Variants in SHANK2 observed in about 807,000 individuals in gnomAD.
SHANK2 encodes SH3 and multiple ankyrin repeat domains 2.
A neutral mutation model predicts 133.7 loss-of-function variants in SHANK2; 43 were observed. The observed-to-expected ratio is 0.32, with a 90% CI of 0.25 to 0.41. The LOEUF (loss-of-function observed/expected upper bound fraction) is 0.41, where lower values mean the gene tolerates loss of function less well. SHANK2 is among the 10% of genes least tolerant of loss of function. The probability of loss-of-function intolerance (pLI) is 1.00; values close to 1 mark genes in which losing one functional copy is unlikely to be tolerated. For missense variants in SHANK2, 1,994 were observed against 2,235.8 expected (o/e 0.89, Z 2.18); for synonymous variants, 1,017 against 952.8 (o/e 1.07, Z -1.24).
intron 17 of SHANK2, among the ~76,000 whole-genome samples, chr11:70,562,134 T>C (rs2059914467): frequency 6.6e-6 from 1 of 152,276 alleles, no homozygotes; most frequent in Non-Finnish European, 1.5e-5. Context: ...TGGTTTCTAA[T>C]ACGATTCCGT....
chr11:70,599,413 C>T (rs559347725), intron 17 of SHANK2, among the ~76,000 whole-genome samples: 13,552 of 126,432 alleles, frequency 0.11, 956 homozygotes, highest in East Asian at 0.24. Context: ...CGAGACCATC[C>T]TGGCTAACAC....
At chr11:70,647,585 G>A (rs1303402791) in intron 17 of SHANK2, 1 of 152,256 alleles carries the variant, frequency 6.6e-6, no homozygotes, top group Non-Finnish European at 1.5e-5. Flanking sequence ...GTTCATGTGT[G>A]TGAACTCTCT....
At chr11:71,137,462 T>A (rs1952466686) in intron 3 of SHANK2, among the ~76,000 whole-genome samples, 2 of 151,710 alleles carry the variant, frequency 1.3e-5, no homozygotes, top group Non-Finnish European at 2.9e-5. Flanking sequence ...GAGGGGGAAA[T>A]AAGGCCCAGC....
At chr11:71,077,669 C>T (rs993046915) in intron 8 of SHANK2, among the ~76,000 whole-genome samples, 5 of 151,854 alleles carry the variant, frequency 3.3e-5, no homozygotes, top group Non-Finnish European at 7.4e-5. Context: ...GGTTGAGGCA[C>T]GGAGCTCACA....
chr11:71,214,265 C>T (rs1046194245), intron 2 of SHANK2, among the ~76,000 whole-genome samples: 55 of 152,170 alleles, frequency 3.6e-4, no homozygotes, highest in Non-Finnish European at 4.4e-5. Context: ...ACTCAGCCAC[C>T]TCCATCAGTT....
At chr11:71,171,586 C>T (rs1228892605) in intron 2 of SHANK2, among the ~76,000 whole-genome samples, 5 of 152,162 alleles carry the variant, frequency 3.3e-5, no homozygotes, top group South Asian at 4.1e-4. Context: ...TCCATGCCCT[C>T]GCCCCTTCTC....
At chr11:70,653,340 C>T (rs1008155417) in intron 17 of SHANK2, among the ~76,000 whole-genome samples, 3 of 152,132 alleles carry the variant, frequency 2.0e-5, no homozygotes, top group South Asian at 2.1e-4. Context: ...CCTTGAGCAG[C>T]GAGCTCTAAC....
chr11:71,239,966 C>T (rs2135802215), intron 1 of SHANK2, among the ~76,000 whole-genome samples: 1 of 152,362 alleles, frequency 6.6e-6, no homozygotes, highest in Non-Finnish European at 1.5e-5. Flanking sequence ...GGGAGCTGGG[C>T]AAACACCAGG....
rs1948677418 is a variant in SHANK2 at position 70,828,369 on chromosome 11, ACT to A, written c.1175-7689_1175-7688del. Among the ~76,000 whole-genome samples, 4 of 152,076 alleles carry A rather than the reference ACT, an allele frequency of 2.6e-5. No individual in the cohort carries two copies. In the South Asian group the frequency reaches 8.3e-4, roughly 32 times the overall value. On this transcript the variant is annotated intron_variant, in intron 11 of 25. Transcript: ENST00000601538. The stretch of plus-strand genomic sequence containing the variant: ...CACACAACTCATGAGCCATGTCAAA[ACT>A]CTGCCGGGGTGACATTCTCACCCTA...
At chr11:71,060,985 G>A (rs1277841920) in intron 9 of SHANK2, among the ~76,000 whole-genome samples, 1 of 152,214 alleles carries the variant, frequency 6.6e-6, no homozygotes, top group Non-Finnish European at 1.5e-5. Context: ...ATATGTAAGG[G>A]AATTTTCAGA....
chr11:70,953,867 G>T (rs1555087164), intron 10 of SHANK2, among the ~76,000 whole-genome samples: 1 of 152,206 alleles, frequency 6.6e-6, no homozygotes, highest in East Asian at 1.9e-4. Context: ...TTCCCACTGA[G>T]AGCTGGTTGT....
At chr11:71,117,302 G>A (rs1201483418) in intron 4 of SHANK2, among the ~76,000 whole-genome samples, 5 of 152,208 alleles carry the variant, frequency 3.3e-5, no homozygotes, top group Admixed American at 6.5e-5. Flanking sequence ...TTACAGGCAT[G>A]AGCCACCTCA....
At chr11:70,759,472 A>T (rs1946943429) in intron 14 of SHANK2, among the ~76,000 whole-genome samples, 1 of 152,162 alleles carries the variant, frequency 6.6e-6, no homozygotes, top group Non-Finnish European at 1.5e-5. Context: ...ACAGAGCAAG[A>T]CTCCATCTCA....
chr11:70,846,164 G>T (rs1041194370), intron 11 of SHANK2, among the ~76,000 whole-genome samples: 16 of 152,174 alleles, frequency 1.1e-4, no homozygotes, highest in Non-Finnish European at 1.8e-4. Flanking sequence ...CGGTGGTGGG[G>T]TCTTTCTACC....
intron 9 of SHANK2, among the ~76,000 whole-genome samples, chr11:71,067,836 C>G (rs1198442816): frequency 7.1e-6 from 1 of 140,434 alleles, no homozygotes; most frequent in Non-Finnish European, 1.6e-5. Context: ...CCACCACCAT[C>G]GCTCACCAAC....
chr11:70,803,061 G>A (rs975435509), intron 13 of SHANK2, among the ~76,000 whole-genome samples: 4 of 152,156 alleles, frequency 2.6e-5, no homozygotes, highest in African/African-American at 7.2e-5. Flanking sequence ...GAAGGGACAT[G>A]GCAGCCGAAT....
At chr11:71,147,090 G>A (rs782503233) in intron 3 of SHANK2, 30 bp downstream of exon 3, 1 of 1,524,842 alleles carries the variant, frequency 6.6e-7, no homozygotes. Flanking sequence ...TTGTCCAGAT[G>A]TGAACCAAAG....
intron 11 of SHANK2, among the ~76,000 whole-genome samples, chr11:70,881,123 G>C (rs569460244): frequency 6.6e-6 from 1 of 152,148 alleles, no homozygotes; most frequent in Non-Finnish European, 1.5e-5. Flanking sequence ...TTGCAGCCTT[G>C]AACTACCAGG....
intron 14 of SHANK2, among the ~76,000 whole-genome samples, chr11:70,729,204 A>T (rs1250751876): frequency 6.7e-6 from 1 of 149,000 alleles, no homozygotes; most frequent in African/African-American, 2.5e-5. Context: ...CTAAAAAAAA[A>T]TTAAAAAAAA....
Sources: gnomAD v4.1 joint callset for allele counts (sites outside exome capture counted in the v4.1 genomes callset) on GRCh38, gnomAD v4.1.1 for gene constraint, MANE v1.5 for transcripts, NCBI Gene and HGNC (gene_info 2026-07-23, HGNC 2026-07-21) for gene names.